Variants in NDRG3 observed in about 807,000 individuals in gnomAD.
The protein encoded by NDRG3 is protein NDRG3.
Under a neutral mutation model 57.2 loss-of-function variants are expected in NDRG3, and 23 were observed. That is an observed-to-expected ratio of 0.40 (90% CI 0.29 to 0.57). NDRG3 has a LOEUF of 0.57. Ranked by LOEUF, NDRG3 falls within the 20% of genes least tolerant of loss-of-function variation. NDRG3 has a pLI of 0.42. For missense variants in NDRG3, 384 were observed against 457.3 expected (o/e 0.84, Z 1.46); for synonymous variants, 132 against 162.6 (o/e 0.81, Z 1.43).
intron 1 of NDRG3, among the ~76,000 whole-genome samples, chr20:36,740,766 A>G (rs549695361): frequency 5.3e-5 from 8 of 152,246 alleles, no homozygotes; most frequent in South Asian, 2.1e-4. Flanking sequence ...ACATAATACT[A>G]CCCATTTTTG....
intron 1 of NDRG3, among the ~76,000 whole-genome samples, chr20:36,731,300 C>G (rs1022479645): frequency 6.6e-6 from 1 of 151,734 alleles, no homozygotes; most frequent in Admixed American, 6.6e-5. Flanking sequence ...AGAGGAAAGG[C>G]AGAAATACAA....
chr20:36,669,164 C>A (rs1336010556), intron 9 of NDRG3, among the ~76,000 whole-genome samples: 1 of 151,686 alleles, frequency 6.6e-6, no homozygotes, highest in Non-Finnish European at 1.5e-5. Flanking sequence ...TCAAGAAATT[C>A]TCTTGCCTCA....
At chr20:36,717,938 CAACA>C (rs749667979) in intron 2 of NDRG3, among the ~76,000 whole-genome samples, 14 of 152,208 alleles carry the variant, frequency 9.2e-5, no homozygotes, top group Non-Finnish European at 1.8e-4. Flanking sequence ...CAGTGTTCCA[CAACA>C]AACAATTATC....
chr20:36,689,942 G>A (rs574705807), intron 3 of NDRG3, among the ~76,000 whole-genome samples: 2 of 151,852 alleles, frequency 1.3e-5, no homozygotes, highest in South Asian at 2.1e-4. Context: ...GGATGGTCTC[G>A]ATCTCCTGAC....
chr20:36,705,551 A>G (rs1983503731), intron 3 of NDRG3, among the ~76,000 whole-genome samples: 1 of 152,086 alleles, frequency 6.6e-6, no homozygotes, highest in Non-Finnish European at 1.5e-5. Context: ...GCTGGGGGGT[A>G]TACAGGTTGG....
intron 2 of NDRG3, among the ~76,000 whole-genome samples, chr20:36,718,172 A>C (rs1046699019): frequency 2.0e-5 from 3 of 152,172 alleles, no homozygotes; most frequent in African/African-American, 7.2e-5. Flanking sequence ...TATACACAAA[A>C]CCATCCACTT....
intron 1 of NDRG3, among the ~76,000 whole-genome samples, chr20:36,734,971 G>A (rs1013859025): frequency 6.6e-6 from 1 of 152,036 alleles, no homozygotes; most frequent in African/African-American, 2.4e-5. Flanking sequence ...TAAAATTCCT[G>A]TAAATGAGAA....
At chr20:36,731,383 G>T (rs1305003358) in intron 1 of NDRG3, among the ~76,000 whole-genome samples, 1 of 152,198 alleles carries the variant, frequency 6.6e-6, no homozygotes, top group East Asian at 1.9e-4. Context: ...GAAGAAAAAA[G>T]GAGGAGGATG....
chr20:36,704,913 G>A (rs767435916), intron 3 of NDRG3, among the ~76,000 whole-genome samples: 2 of 152,102 alleles, frequency 1.3e-5, no homozygotes, highest in Non-Finnish European at 2.9e-5. Context: ...ACATGTCCAG[G>A]TGGGAAAAAA....
chr20:36,687,602 A>G lies in NDRG3; in HGVS notation c.210T>C (p.Cys70=). The stretch of plus-strand genomic sequence containing the variant: ...CCTCAAAGTTAAAGAATGCATTGAA[A>G]CAGGATTTATCTATAAGAATAAAAA... ...YHDIGLNHKS[C]FNAFFNFEDM... Residue 70 remains cysteine (C), a synonymous_variant, in exon 5 of 16, where the codon TGT becomes TGC. Coordinates refer to ENST00000349004, the MANE Select transcript of NDRG3 (RefSeq NM_032013.4). 1 of 1,613,650 alleles carries G rather than the reference A, an allele frequency of 6.2e-7. No individual in the cohort carries two copies. Among genetic ancestry groups the G allele is most frequent in the Non-Finnish European group, 8.5e-7 (1 of 1,179,758 alleles).
chr20:36,695,177 C>T (rs1472032577), intron 3 of NDRG3, among the ~76,000 whole-genome samples: 3 of 151,964 alleles, frequency 2.0e-5, no homozygotes, highest in African/African-American at 7.3e-5. Context: ...TCATAATTTC[C>T]TATGCCTGTC....
intron 2 of NDRG3, among the ~76,000 whole-genome samples, chr20:36,708,168 C>G (rs1026970329): frequency 6.6e-6 from 1 of 152,056 alleles, no homozygotes; most frequent in South Asian, 2.1e-4. Context: ...AAGTGTAACC[C>G]CCTTCCTGAA....
At chr20:36,687,744 A>C in intron 4 of NDRG3, 132 bp from the exon 5 acceptor site, 1 of 1,037,178 alleles carries the variant, frequency 9.6e-7, no homozygotes, top group South Asian at 1.7e-5. Context: ...AGGTGTCTGA[A>C]CAATCTGTCT....
At position 36,666,255 on chromosome 20, in the gene NDRG3, T is replaced by C. The variant is rs367590442; in HGVS notation, c.692+34A>G. On this transcript the variant is annotated intron_variant, in intron 10 of 15. Coordinates refer to ENST00000349004, the MANE Select transcript of NDRG3 (RefSeq NM_032013.4). ...CACCCTCCTCTTTTTAGAACCTGTTTACATTTAAGTGAAGAAACAGGAAAA... is the reference window on the plus strand; with the variant it reads ...CACCCTCCTCTTTTTAGAACCTGTTCACATTTAAGTGAAGAAACAGGAAAA... 9.2e-5 allele frequency: 139 copies of C among 1,504,362 alleles called. No homozygotes were observed. The African/African-American group carries it at 1.6e-3, about 17-fold the overall frequency. 93.2% of individuals were successfully genotyped at this position (1,504,362 alleles called of 1,614,324 possible).
chr20:36,689,470 G>T (rs991916636), intron 3 of NDRG3, among the ~76,000 whole-genome samples: 1 of 152,102 alleles, frequency 6.6e-6, no homozygotes, highest in Non-Finnish European at 1.5e-5. Flanking sequence ...CAGAGGTTTT[G>T]GAGCTTCTGA....
chr20:36,738,755 A>G (rs1204633543), intron 1 of NDRG3, among the ~76,000 whole-genome samples: 1 of 149,858 alleles, frequency 6.7e-6, no homozygotes, highest in Non-Finnish European at 1.5e-5. Context: ...CCTGGGAGGC[A>G]GAGGTTGCAG....
intron 2 of NDRG3, among the ~76,000 whole-genome samples, chr20:36,715,285 TG>T (rs1984205090): frequency 1.3e-5 from 2 of 151,354 alleles, no homozygotes; most frequent in South Asian, 4.2e-4. Context: ...GAGGGTCATC[TG>T]GTCTGTAACG....
intron 1 of NDRG3, among the ~76,000 whole-genome samples, chr20:36,735,721 C>T (rs1024695422): frequency 1.3e-5 from 2 of 151,972 alleles, no homozygotes; most frequent in African/African-American, 4.8e-5. Context: ...TACACTCAGG[C>T]AGGGCACCTG....
chr20:36,710,223 C>T (rs1167694420), intron 2 of NDRG3, among the ~76,000 whole-genome samples: 5 of 152,096 alleles, frequency 3.3e-5, no homozygotes, highest in Admixed American at 6.6e-5. Flanking sequence ...ACTTGAGGGG[C>T]TGAGGTGGGA....
Sources: allele counts gnomAD v4.1 joint callset (sites outside exome capture counted in the v4.1 genomes callset), GRCh38; gene constraint gnomAD v4.1.1; transcripts MANE v1.5; gene names NCBI Gene and HGNC (gene_info 2026-07-23, HGNC 2026-07-21).